Variants in LAMA2 observed in about 807,000 individuals in gnomAD.
LAMA2 encodes the protein laminin subunit alpha 2.
LAMA2 carries 269 observed loss-of-function variants against 364.8 expected under a neutral mutation model. The ratio of observed to expected loss-of-function variants is 0.74; its 90% CI spans 0.67 to 0.82. The LOEUF (loss-of-function observed/expected upper bound fraction) is 0.82, where lower values mean the gene tolerates loss of function less well. Among genes scored for constraint, LAMA2 ranks in the 40% least tolerant of loss-of-function variants. LAMA2 has a pLI of 0.00. For missense variants in LAMA2, 3,807 were observed against 3,873.2 expected, an observed-to-expected ratio of 0.98 and a Z score of 0.45; for synonymous variants, 1,379 against 1,370.6, an observed-to-expected ratio of 1.01 and a Z score of -0.14.
chr6:129,387,051 G>GA lies in LAMA2; in HGVS notation c.5071+3829dup, dbSNP rs1029054536. 5.5e-3 allele frequency among the ~76,000 whole-genome samples: 779 copies of GA among 142,878 alleles called. 5 individuals are homozygous for GA. The highest frequency in any genetic ancestry group is 0.017 in the African/African-American group (676 of 39,308). 93.7% of individuals were successfully genotyped at this position (142,878 alleles called of 152,430 possible). A position where few individuals can be genotyped will look rare whatever the true frequency, so the allele number is the denominator to read the frequency against. ...TGCAACAATTGATAATATCCAACTGGAAAAAAAAAAACAACCTCATGACTG... is the reference window on the plus strand; with the variant it reads ...TGCAACAATTGATAATATCCAACTGGAAAAAAAAAAAACAACCTCATGACTG... On this transcript the variant is annotated intron_variant, in intron 35 of 64. Coordinates refer to ENST00000421865, the MANE Select transcript of LAMA2 (RefSeq NM_000426.4).
intron 40 of LAMA2, among the ~76,000 whole-genome samples, chr6:129,422,888 AATTAT>A (rs1485196807): frequency 2.0e-5 from 3 of 152,136 alleles, no homozygotes; most frequent in East Asian, 3.8e-4. Flanking sequence ...TAAAAAAGAA[AATTAT>A]ATTATATAAC....
At chr6:129,132,791 AT>A (rs1229725508) in intron 4 of LAMA2, among the ~76,000 whole-genome samples, 1 of 152,160 alleles carries the variant, frequency 6.6e-6, no homozygotes, top group African/African-American at 2.4e-5. Flanking sequence ...TGTTCTAATC[AT>A]TTTACATAAA....
intron 19 of LAMA2, among the ~76,000 whole-genome samples, 168 bp from the exon 20 acceptor site, chr6:129,291,446 T>C (rs764832349): frequency 3.9e-5 from 6 of 152,232 alleles, no homozygotes; most frequent in African/African-American, 9.6e-5. Flanking sequence ...GTAGAGTTGT[T>C]ATAGGGATTA....
chr6:129,162,003 T>C (rs1005769505), intron 8 of LAMA2, among the ~76,000 whole-genome samples: 18 of 152,302 alleles, frequency 1.2e-4, no homozygotes, highest in African/African-American at 4.3e-4. Context: ...ATATATTCCT[T>C]TGGGCATATA....
At chr6:128,963,882 A>G (rs891346316) in intron 1 of LAMA2, among the ~76,000 whole-genome samples, 4 of 152,106 alleles carry the variant, frequency 2.6e-5, no homozygotes, top group African/African-American at 7.2e-5. Flanking sequence ...GTACATGAAG[A>G]ATGCAACTTG....
At chr6:129,137,754 AT>A (rs1777889075) in intron 4 of LAMA2, among the ~76,000 whole-genome samples, 2 of 152,282 alleles carry the variant, frequency 1.3e-5, no homozygotes, top group Non-Finnish European at 2.9e-5. Context: ...GGGGACTGCT[AT>A]TGATATGTTC....
At chr6:128,983,096 A>G (rs1782998510) in intron 1 of LAMA2, among the ~76,000 whole-genome samples, 1 of 151,964 alleles carries the variant, frequency 6.6e-6, no homozygotes, top group Non-Finnish European at 1.5e-5. Flanking sequence ...TCTTTATAGC[A>G]GCATGATTTA....
intron 18 of LAMA2, among the ~76,000 whole-genome samples, chr6:129,283,833 T>G (rs991718757): frequency 6.6e-6 from 1 of 151,990 alleles, no homozygotes; most frequent in Non-Finnish European, 1.5e-5. Context: ...CCTTGTGCCT[T>G]TGGGTCCTGA....
rs573853454 is a variant in LAMA2 at position 129,271,585 on chromosome 6, T to C, written c.2450+834T>C. ...CCCGGGTTCAAGCCATTCTCCTGCCTCAGCTGGACTACAGGCTGTGTTGAA... is the reference window on the plus strand; with the variant it reads ...CCCGGGTTCAAGCCATTCTCCTGCCCCAGCTGGACTACAGGCTGTGTTGAA... On this transcript the variant is annotated intron_variant, in intron 17 of 64. Coordinates refer to ENST00000421865, the MANE Select transcript of LAMA2 (RefSeq NM_000426.4). Among the ~76,000 whole-genome samples the C allele has an allele frequency of 2.6e-3, 385 of 150,454 alleles. 3 individuals carry two copies. The highest frequency in any genetic ancestry group is 9.0e-3 in the African/African-American group (371 of 41,104).
At chr6:129,027,660 C>A (rs559657552) in intron 1 of LAMA2, among the ~76,000 whole-genome samples, 2 of 151,634 alleles carry the variant, frequency 1.3e-5, no homozygotes, top group African/African-American at 2.4e-5. Context: ...TTTTCTCTAT[C>A]AGAAGGATAG....
chr6:128,937,044 T>C (rs1779864071), intron 1 of LAMA2, among the ~76,000 whole-genome samples: 1 of 152,188 alleles, frequency 6.6e-6, no homozygotes, highest in Non-Finnish European at 1.5e-5. Flanking sequence ...AAATGCACAA[T>C]TCAAAACTTA....
intron 4 of LAMA2, among the ~76,000 whole-genome samples, chr6:129,110,379 AT>A (rs1776078792): frequency 6.6e-6 from 1 of 152,058 alleles, no homozygotes; most frequent in Non-Finnish European, 1.5e-5. Context: ...CAAACATTCC[AT>A]GATGGAATGG....
rs778106503 is a variant in LAMA2 at position 129,353,280 on chromosome 6, C to T, written c.4640C>T (p.Thr1547Met). Residue 1547 changes from threonine (T) to methionine (M), a missense_variant, in exon 32 of 65, where the codon ACG becomes ATG. Coordinates refer to ENST00000421865, the MANE Select transcript of LAMA2 (RefSeq NM_000426.4). Reference sequence around the variant, plus strand: ...TGTGACCCTGTCACAGGATTCTGCACGTGCCGACCTGGAGCCACGGGAAGG... The same window carrying T: ...TGTGACCCTGTCACAGGATTCTGCATGTGCCGACCTGGAGCCACGGGAAGG... Reference protein sequence around the residue: ...VPCDPVTGFCTCRPGATGRKC... With the variant: ...VPCDPVTGFCMCRPGATGRKC... 52 of 1,613,902 alleles carry T rather than the reference C, an allele frequency of 3.2e-5. No individual in the cohort carries two copies. The highest frequency in any genetic ancestry group is 2.7e-4 in the East Asian group (12 of 44,888).
chr6:129,360,403 G>T (rs1304004119), intron 32 of LAMA2, among the ~76,000 whole-genome samples: 7 of 152,044 alleles, frequency 4.6e-5, no homozygotes, highest in African/African-American at 1.7e-4. Flanking sequence ...GAAATATTTT[G>T]TGTCAGAATA....
intron 32 of LAMA2, among the ~76,000 whole-genome samples, chr6:129,360,943 G>A (rs1273109398): frequency 2.0e-5 from 3 of 152,060 alleles, no homozygotes; most frequent in African/African-American, 7.2e-5. Flanking sequence ...GAAATTTCTG[G>A]AACCATCTAG....
intron 24 of LAMA2, 97 bp from the exon 25 acceptor site, chr6:129,315,379 T>G (rs1774514446): frequency 9.9e-7 from 1 of 1,012,042 alleles, no homozygotes; most frequent in Non-Finnish European, 1.5e-6. Flanking sequence ...TCAGAATGGG[T>G]ATAGGAACTG....
chr6:129,043,320 T>C (rs1233673639), intron 1 of LAMA2, among the ~76,000 whole-genome samples: 2 of 152,178 alleles, frequency 1.3e-5, no homozygotes, highest in Admixed American at 6.5e-5. Flanking sequence ...TTTTTTGCCT[T>C]AAATATTAAT....
intron 56 of LAMA2, 74 bp from the exon 57 acceptor site, chr6:129,491,827 C>A: frequency 1.6e-6 from 2 of 1,227,026 alleles, no homozygotes; most frequent in Non-Finnish European, 2.4e-6. Flanking sequence ...TGAAGGGTGG[C>A]AGGAAAGAAT....
chr6:129,515,452 A>G (rs1299587684), intron 64 of LAMA2, among the ~76,000 whole-genome samples: 1 of 152,146 alleles, frequency 6.6e-6, no homozygotes, highest in African/African-American at 2.4e-5. Flanking sequence ...GAAGGAGGTA[A>G]TGTACTTCTC....
Sources: allele counts gnomAD v4.1 joint callset (sites outside exome capture counted in the v4.1 genomes callset), GRCh38; gene constraint gnomAD v4.1.1; transcripts MANE v1.5; gene names NCBI Gene and HGNC (gene_info 2026-07-23, HGNC 2026-07-21).